MCCC1: variants seen among roughly 807,000 people sequenced by gnomAD.
The protein encoded by MCCC1 is methylcrotonyl-CoA carboxylase subunit 1.
A neutral mutation model predicts 83.8 loss-of-function variants in MCCC1; 64 were observed. That is an observed-to-expected ratio of 0.76 (90% CI 0.62 to 0.94). MCCC1 has a LOEUF of 0.94. Ranked by LOEUF, MCCC1 falls within the 40% of genes least tolerant of loss-of-function variation. The pLI, the probability that MCCC1 is intolerant of heterozygous loss-of-function variation, is 0.00. For missense variants in MCCC1, 807 were observed against 904.7 expected (o/e 0.89, Z 1.39); for synonymous variants, 322 against 315.4 (o/e 1.02, Z -0.22).
At chr3:183,112,829 C>A (rs572535171) in intron 1 of MCCC1, among the ~76,000 whole-genome samples, 1 of 151,958 alleles carries the variant, frequency 6.6e-6, no homozygotes, top group African/African-American at 2.4e-5. Flanking sequence ...AATCTCAGCC[C>A]TTTGGGAGCT....
chr3:183,032,896 G>T (rs913273006), intron 14 of MCCC1, among the ~76,000 whole-genome samples: 43 of 150,646 alleles, frequency 2.9e-4, no homozygotes, highest in Admixed American at 1.1e-3. Flanking sequence ...AAAAAAATTT[G>T]TTACTGGGTG....
intron 15 of MCCC1, among the ~76,000 whole-genome samples, chr3:183,025,115 G>T (rs1712479663): frequency 6.6e-6 from 1 of 152,208 alleles, no homozygotes; most frequent in Admixed American, 6.5e-5. Context: ...TAGAGACAGA[G>T]AGTAGAATCG....
chr3:183,096,764 C>T (rs1718768932), intron 1 of MCCC1, among the ~76,000 whole-genome samples: 1 of 152,212 alleles, frequency 6.6e-6, no homozygotes, highest in African/African-American at 2.4e-5. Flanking sequence ...TCCATTTCAG[C>T]TGATGTTACC....
chr3:183,038,453 C>T (rs1713804998), intron 12 of MCCC1, among the ~76,000 whole-genome samples: 1 of 152,072 alleles, frequency 6.6e-6, no homozygotes, highest in South Asian at 2.1e-4. Context: ...GAGCTTTGAT[C>T]AATTATTAAC....
At chr3:183,017,119 GT>G (rs1481442496) in intron 18 of MCCC1, 146 bp downstream of exon 18, 68 of 735,860 alleles carry the variant, frequency 9.2e-5, no homozygotes, top group South Asian at 5.0e-4. Context: ...AAGAAGGATA[GT>G]TTGGTTTTGT....
chr3:183,050,156 C>A (rs1041499845), intron 9 of MCCC1, among the ~76,000 whole-genome samples: 1 of 151,898 alleles, frequency 6.6e-6, no homozygotes, highest in African/African-American at 2.4e-5. Flanking sequence ...AGTCTAAGAC[C>A]AGCCTGGGCA....
At chr3:183,059,379 T>A (rs981559939) in intron 7 of MCCC1, among the ~76,000 whole-genome samples, 5 of 143,892 alleles carry the variant, frequency 3.5e-5, no homozygotes, top group Admixed American at 3.3e-4. Flanking sequence ...TTTTCCAACC[T>A]GTCCAATACA....
chr3:183,102,617 G>GC (rs1382343041), upstream of MCCC1, among the ~76,000 whole-genome samples: 3 of 151,744 alleles, frequency 2.0e-5, no homozygotes, highest in Non-Finnish European at 4.4e-5. Flanking sequence ...CCAGTGATTA[G>GC]CCCTCTGGAA....
intron 3 of MCCC1, chr3:183,091,021 A>G (rs1319043691): frequency 1.3e-5 from 6 of 456,610 alleles, no homozygotes; most frequent in Non-Finnish European, 1.8e-5. Context: ...TGTGAAATCA[A>G]GATCATCCTG....
At chr3:183,115,043 A>G (rs1381559797) in intron 1 of MCCC1, among the ~76,000 whole-genome samples, 1 of 151,926 alleles carries the variant, frequency 6.6e-6, no homozygotes, top group Admixed American at 6.6e-5. Flanking sequence ...CCACACTCCC[A>G]GTTCTGGGAC....
chr3:183,015,451 C>T lies in MCCC1; in HGVS notation c.2165G>A (p.Arg722Lys). The change falls in exon 19 of 19, where the codon AGG (arginine) becomes AAG (lysine). Residue 722 changes from arginine to lysine, a missense_variant. Transcript: ENST00000265594. Reference sequence around the variant, plus strand: ...CCTTGCTGGAGTTTATTCCGATTCCCTTTTGTCTGATTCTTCCTCCTCAAA... The same window carrying T: ...CCTTGCTGGAGTTTATTCCGATTCCTTTTTGTCTGATTCTTCCTCCTCAAA... ...VEFEEEESDK[R>K]ESE is the part of the protein sequence containing the mutation. The T allele has an allele frequency of 6.2e-7, 1 of 1,614,152 alleles. No individual in the cohort carries two copies. Among genetic ancestry groups the T allele is most frequent in the Non-Finnish European group, 8.5e-7 (1 of 1,180,022 alleles).
Position 183,099,375 on chromosome 3 carries a change from G to C in MCCC1, c.66C>G (p.Leu22=), listed in dbSNP as rs750778690. The C allele has an allele frequency of 1.9e-6, 3 of 1,602,876 alleles. No individual in the cohort carries two copies. The African/African-American group carries it at 4.0e-5, about 21-fold the overall frequency. ...VAAERNRWHR[L]PSLLLPPRTW... ...ACCTCGGCGGCAGGAGCAGGCTCGG[G>C]AGACGATGCCACCGGTTCCTCTCCG... The change falls in exon 1 of 19, where the codon CTC becomes CTG. Residue 22 remains leucine, a synonymous_variant. Coordinates refer to ENST00000265594, the MANE Select transcript of MCCC1 (RefSeq NM_020166.5).
At chr3:183,016,582 G>C (rs1177013953) in intron 18 of MCCC1, among the ~76,000 whole-genome samples, 1 of 152,136 alleles carries the variant, frequency 6.6e-6, no homozygotes, top group Non-Finnish European at 1.5e-5. Flanking sequence ...CAATTCAATG[G>C]GTCTGGGGAA....
In MCCC1 at chr3:183,022,436, G is replaced by C. The variant is rs1712232382; in HGVS notation, c.1850C>G (p.Thr617Ser). 6.2e-7 allele frequency: 1 copy of C among 1,613,986 alleles called. No individual in the cohort carries two copies. The highest frequency in any genetic ancestry group is 8.5e-7 in the Non-Finnish European group (1 of 1,180,000). The change falls in exon 16 of 19, where the codon ACT becomes AGT. Residue 617 changes from threonine to serine, a missense_variant. Thr to Ser is a moderately conservative substitution (Grantham distance 58, BLOSUM62 1). Transcript: ENST00000265594. ...CATTACCTTGGAAAATAGGTAAATA[G>C]TGTTTTCCAGGATAATCAGCTTCGC... ...SKAKLIILEN[T>S]IYLFSKEGSI...
At chr3:183,076,125 C>A (rs192015424) in intron 4 of MCCC1, among the ~76,000 whole-genome samples, 1 of 152,262 alleles carries the variant, frequency 6.6e-6, no homozygotes, top group East Asian at 1.9e-4. Context: ...AATTGTGCAA[C>A]TACAATTGGA....
At chr3:183,107,509 TTTATTATTA>T (rs199825914) in intron 1 of MCCC1, among the ~76,000 whole-genome samples, 2 of 150,686 alleles carry the variant, frequency 1.3e-5, no homozygotes, top group East Asian at 1.9e-4. Context: ...CTGTTTTGTT[TTTATTATTA>T]TTATTATTAT....
At chr3:183,035,019 C>T (rs911067035) in intron 13 of MCCC1, among the ~76,000 whole-genome samples, 1 of 152,106 alleles carries the variant, frequency 6.6e-6, no homozygotes, top group Non-Finnish European at 1.5e-5. Context: ...CTTAAGTGAT[C>T]CACCCGCCCT....
rs1320520856 is a variant in MCCC1 at position 183,048,579 on chromosome 3, C to T, written c.956-3039G>A. Among the ~76,000 whole-genome samples the T allele has an allele frequency of 7.9e-5, 12 of 152,224 alleles. No homozygotes were observed. The East Asian group carries it at 1.5e-3, about 20-fold the overall frequency. On this transcript the variant is annotated intron_variant, in intron 9 of 18. Coordinates refer to ENST00000265594, the MANE Select transcript of MCCC1 (RefSeq NM_020166.5). ...CAATTTTTAACATGCATGTACCTAACAACAGAGCATAAAATATATGTAGCA... is the reference window on the plus strand; with the variant it reads ...CAATTTTTAACATGCATGTACCTAATAACAGAGCATAAAATATATGTAGCA...
intron 4 of MCCC1, among the ~76,000 whole-genome samples, chr3:183,078,361 T>C (rs1233134522): frequency 6.6e-6 from 1 of 152,200 alleles, no homozygotes; most frequent in African/African-American, 2.4e-5. Flanking sequence ...ACAAAATAGT[T>C]ACATAAGCTT....
Sources: gnomAD v4.1 joint callset for allele counts (sites outside exome capture counted in the v4.1 genomes callset) on GRCh38, gnomAD v4.1.1 for gene constraint, MANE v1.5 for transcripts, NCBI Gene and HGNC (gene_info 2026-07-23, HGNC 2026-07-21) for gene names.